Variants in ARID1B observed in about 807,000 individuals in gnomAD.
The protein encoded by ARID1B is AT-rich interactive domain-containing protein 1B.
A neutral mutation model predicts 212.3 loss-of-function variants in ARID1B; 30 were observed. The observed-to-expected ratio is 0.14, with a 90% CI of 0.11 to 0.19. ARID1B has a LOEUF of 0.19. Among genes scored for constraint, ARID1B ranks in the 10% least tolerant of loss-of-function variants. ARID1B has a pLI of 1.00. For synonymous variants in ARID1B, 1,402 were observed against 1,301.7 expected (o/e 1.08, Z -1.66); for missense variants, 2,891 against 3,204.0 (o/e 0.90, Z 2.36).
At chr6:156,946,555 G>A (rs796986406) in intron 4 of ARID1B, among the ~76,000 whole-genome samples, 3 of 152,062 alleles carry the variant, frequency 2.0e-5, no homozygotes, top group Non-Finnish European at 2.9e-5. Context: ...GCATTGTAAC[G>A]CCCTTTTAAC....
intron 4 of ARID1B, among the ~76,000 whole-genome samples, chr6:157,038,017 C>CCT (rs1210506321): frequency 3.3e-5 from 5 of 152,138 alleles, no homozygotes; most frequent in African/African-American, 7.2e-5. Flanking sequence ...AAATTACTTG[C>CCT]CTTTTGTACA....
rs377676589 is a variant in ARID1B, at chr6:157,040,309, CTTCCTGTTT to C, written c.2248-44350_2248-44342del. Reference sequence around the variant, plus strand: ...TTAAACGCATTCACAATTGGTGTTTCTTCCTGTTTTTGTAAGCACTGGGAAAGGTAACTC... The same window carrying C: ...TTAAACGCATTCACAATTGGTGTTTCTTGTAAGCACTGGGAAAGGTAACTC... On this transcript the variant is annotated intron_variant, in intron 4 of 19. Coordinates refer to ENST00000636930, the MANE Select transcript of ARID1B (RefSeq NM_001374828.1). 5.9e-5 allele frequency among the ~76,000 whole-genome samples: 9 copies of C among 152,306 alleles called. 1 individual carries two copies. The highest frequency in any genetic ancestry group is 2.2e-4 in the African/African-American group (9 of 41,564).
Position 157,206,712 on chromosome 6 carries a change from A to G in ARID1B, c.5940A>G (p.Lys1980=). The change falls in exon 20 of 20, where the codon AAA becomes AAG. Residue 1980 remains lysine (K), a synonymous_variant. Transcript: ENST00000636930. The surrounding 1 kb of genome is among the most constrained non-coding windows in gnomAD (Gnocchi z 6.8). ...PPPLSSAGRK[K]EQEGKGDSEE... ...CCTTAAGCTCCGCAGGTAGAAAGAAAGAGCAAGAAGGCAAAGGCGACTCTG... is the reference window on the plus strand; with the variant it reads ...CCTTAAGCTCCGCAGGTAGAAAGAAGGAGCAAGAAGGCAAAGGCGACTCTG... The G allele has an allele frequency of 6.2e-7, 1 of 1,612,926 alleles. No homozygotes were observed. The highest frequency in any genetic ancestry group is 2.2e-5 in the East Asian group (1 of 44,876).
At chr6:156,966,825 C>T (rs1160138286) in intron 4 of ARID1B, among the ~76,000 whole-genome samples, 7 of 152,194 alleles carry the variant, frequency 4.6e-5, no homozygotes, top group Non-Finnish European at 1.0e-4. Context: ...CTTAGCCTCT[C>T]GAGTTGCTGG....
intron 1 of ARID1B, among the ~76,000 whole-genome samples, chr6:156,802,201 G>A (rs1780840841): frequency 1.3e-5 from 2 of 152,180 alleles, no homozygotes; most frequent in Non-Finnish European, 2.9e-5. Flanking sequence ...GTTGCTATGA[G>A]GAATAATTAG....
At chr6:156,998,480 C>T (rs1778727546) in intron 4 of ARID1B, among the ~76,000 whole-genome samples, 1 of 152,190 alleles carries the variant, frequency 6.6e-6, no homozygotes, top group African/African-American at 2.4e-5. Flanking sequence ...GCCTCGGCCT[C>T]CCAAAGTGCT....
intron 3 of ARID1B, among the ~76,000 whole-genome samples, chr6:156,910,351 T>C (rs1789771956): frequency 6.6e-6 from 1 of 152,174 alleles, no homozygotes. Context: ...AAGACAGGTA[T>C]TTCTCTTTTC....
chr6:156,876,592 G>A (rs191279469), intron 2 of ARID1B, among the ~76,000 whole-genome samples: 34 of 152,276 alleles, frequency 2.2e-4, no homozygotes, highest in African/African-American at 6.5e-4. Flanking sequence ...TAAGTTGCCC[G>A]CCTGGGAAGT....
rs2114964373 is a variant in ARID1B at position 156,778,170 on chromosome 6, C to T, written c.490C>T (p.His164Tyr). ...TGGCGAAGCCCCCGCCGCGCCGCCCCACCAGCAGCACCACCACCACCACCA... is the reference window on the plus strand; with the variant it reads ...TGGCGAAGCCCCCGCCGCGCCGCCCTACCAGCAGCACCACCACCACCACCA... ...TVGEAPAAPP[H>Y]QQHHHHHHAH... The change falls in exon 1 of 20, where the codon CAC becomes TAC. Residue 164 changes from histidine (H) to tyrosine (Y), a missense_variant. Physicochemically the swap from His to Tyr is moderately conservative, Grantham distance 83. Around this residue, in one of 7 missense-constraint regions of ARID1B, gnomAD observed 1,643 missense variants for 1,544.0 expected, o/e 1.06. Coordinates refer to ENST00000636930, the MANE Select transcript of ARID1B (RefSeq NM_001374828.1). 1 of 1,541,950 alleles carries T rather than the reference C, an allele frequency of 6.5e-7. No homozygotes were observed.
intron 2 of ARID1B, among the ~76,000 whole-genome samples, chr6:156,898,647 A>G (rs1348140724): frequency 1.3e-5 from 2 of 152,330 alleles, no homozygotes; most frequent in Middle Eastern, 3.4e-3. Flanking sequence ...ATCTGAATGC[A>G]TTGACAAAAA....
chr6:157,082,942 T>G (rs1475763602), intron 4 of ARID1B, among the ~76,000 whole-genome samples: 1 of 152,222 alleles, frequency 6.6e-6, no homozygotes, highest in African/African-American at 2.4e-5. Context: ...TAGAATATGA[T>G]TTTTAAAGAG....
intron 1 of ARID1B, among the ~76,000 whole-genome samples, chr6:156,787,084 G>A (rs115470421): frequency 0.014 from 2,172 of 151,458 alleles, 52 homozygotes; most frequent in African/African-American, 0.05. Flanking sequence ...TACTGGCTTT[G>A]TGCCAGAGCG....
chr6:156,921,749 A>G (rs927809424), intron 3 of ARID1B, among the ~76,000 whole-genome samples: 1 of 152,256 alleles, frequency 6.6e-6, no homozygotes, highest in Non-Finnish European at 1.5e-5. Flanking sequence ...AAAATTCAGC[A>G]GAATCCTTGT....
intron 4 of ARID1B, among the ~76,000 whole-genome samples, chr6:156,969,523 G>A (rs1369962138): frequency 6.6e-6 from 1 of 152,204 alleles, no homozygotes; most frequent in East Asian, 1.9e-4. Flanking sequence ...GACATGGCGA[G>A]CCACATTTAT....
chr6:157,057,926 G>A (rs1783071989), intron 4 of ARID1B, among the ~76,000 whole-genome samples: 1 of 152,186 alleles, frequency 6.6e-6, no homozygotes, highest in African/African-American at 2.4e-5. Flanking sequence ...TACTAATGTT[G>A]ACATGAAAAT....
chr6:156,834,205 A>G (rs1783340983), intron 2 of ARID1B, among the ~76,000 whole-genome samples: 1 of 151,746 alleles, frequency 6.6e-6, no homozygotes, highest in Non-Finnish European at 1.5e-5. Context: ...AATGTTTATT[A>G]TGATTCAATC....
chr6:157,207,608 T>C lies in ARID1B; in HGVS notation c.6836T>C (p.Ile2279Thr), dbSNP rs1794564717. The C allele has an allele frequency of 6.2e-7, 1 of 1,614,144 alleles. No homozygotes were observed. ...GCCATAGCTGTGCAGAAAGGAAGCA[T>C]TGGAAACTTGATAAGCTTCCTAGAG... ...ARAIAVQKGS[I>T]GNLISFLEDG... The change falls in exon 20 of 20, where the codon ATT becomes ACT. Residue 2279 changes from isoleucine (I) to threonine (T), a missense_variant. Ile to Thr is a moderately conservative substitution (Grantham distance 89). Coordinates refer to ENST00000636930, the MANE Select transcript of ARID1B (RefSeq NM_001374828.1). This position sits in a 1 kb window ranked among gnomAD's most constrained non-coding sequence, Gnocchi z 8.5.
At chr6:156,924,893 A>G (rs551306755) in intron 3 of ARID1B, among the ~76,000 whole-genome samples, 143 of 152,312 alleles carry the variant, frequency 9.4e-4, no homozygotes, top group African/African-American at 3.2e-3. Flanking sequence ...TACATTCATT[A>G]TTAAAAATCT....
chr6:156,812,933 GGTGTGTGTGTGTGTGTGTGT>G (rs71027314), intron 1 of ARID1B, among the ~76,000 whole-genome samples: 10 of 89,442 alleles, frequency 1.1e-4, no homozygotes, highest in African/African-American at 1.9e-4. Context: ...TATAATCCTG[GGTGTGTGTGTGTGTGTGTGT>G]GTGTGTGTGT....
Sources: gnomAD v4.1 joint callset for allele counts (sites outside exome capture counted in the v4.1 genomes callset) on GRCh38, gnomAD v4.1.1 for gene constraint, gnomAD v4.1.1 regional missense constraint, Gnocchi (gnomAD v3.1) non-coding constraint, MANE v1.5 for transcripts, NCBI Gene and HGNC (gene_info 2026-07-23, HGNC 2026-07-21) for gene names.